PALM2AKAP2: variants seen among roughly 807,000 people sequenced by gnomAD.
PALM2AKAP2 encodes PALM2-AKAP2 fusion protein.
In PALM2AKAP2, 37 loss-of-function variants were observed where a neutral mutation model predicts 71.5. That is an observed-to-expected ratio of 0.52 (90% CI 0.40 to 0.68). PALM2AKAP2 has a LOEUF of 0.68. Among genes scored for constraint, PALM2AKAP2 ranks in the 30% least tolerant of loss-of-function variants. The pLI is 0.00. For missense variants in PALM2AKAP2, 1,224 were observed against 1,191.8 expected, an observed-to-expected ratio of 1.03 and a Z score of -0.40; for synonymous variants, 468 against 478.8, an observed-to-expected ratio of 0.98 and a Z score of 0.29.
At chr9:110,162,035 G>GGT (rs1188886555) in intron 3 of PALM2AKAP2, 59 bp from the exon 10 acceptor site, 3 of 1,593,722 alleles carry the variant, frequency 1.9e-6, no homozygotes, top group Non-Finnish European at 2.6e-6. Flanking sequence ...CCGGCTAGGG[G>GGT]GTGTTCTGTA....
chr9:109,835,486 A>G (rs910073129), intron 1 of PALM2AKAP2, among the ~76,000 whole-genome samples: 1 of 152,096 alleles, frequency 6.6e-6, no homozygotes, highest in South Asian at 2.1e-4. Flanking sequence ...TGCATTTCCA[A>G]CTGAGGTACT....
At chr9:109,880,462 G>C (rs1353999615) in intron 2 of PALM2AKAP2, 89 bp from the exon 3 acceptor site, 1 of 1,542,316 alleles carries the variant, frequency 6.5e-7, no homozygotes, top group East Asian at 2.3e-5. Flanking sequence ...CTGGTGAGGG[G>C]TGGAGCTAAA....
chr9:110,085,085 T>C (rs1834538272), intron 1 of PALM2AKAP2, among the ~76,000 whole-genome samples: 1 of 152,272 alleles, frequency 6.6e-6, no homozygotes, highest in South Asian at 2.1e-4. Context: ...TCGTGGTTGG[T>C]TGAGTCTACA....
chr9:109,901,880 C>T (rs956973524), intron 3 of PALM2AKAP2, among the ~76,000 whole-genome samples: 6 of 152,194 alleles, frequency 3.9e-5, no homozygotes, highest in African/African-American at 1.4e-4. Flanking sequence ...CCAAGATCAT[C>T]GTGGCTGGGC....
At chr9:110,090,206 CG>C (rs1834674645) in intron 1 of PALM2AKAP2, 1 of 366,974 alleles carries the variant, frequency 2.7e-6, no homozygotes, top group African/African-American at 2.1e-5. Context: ...CAGGTGTGTG[CG>C]GGCAGGTACA....
intron 1 of PALM2AKAP2, among the ~76,000 whole-genome samples, chr9:109,823,763 G>T (rs1021448218): frequency 6.6e-6 from 1 of 152,234 alleles, no homozygotes; most frequent in Non-Finnish European, 1.5e-5. Context: ...ATCTGTGTTT[G>T]TCTGGGGGTG....
chr9:109,713,111 A>C (rs933674741), intron 1 of PALM2AKAP2, among the ~76,000 whole-genome samples: 5 of 152,176 alleles, frequency 3.3e-5, no homozygotes, highest in Admixed American at 6.5e-5. Context: ...GATCCCCATC[A>C]CCTGGGCCAT....
upstream of PALM2AKAP2, among the ~76,000 whole-genome samples, chr9:110,047,035 C>T (rs1278347401): frequency 1.3e-5 from 2 of 151,786 alleles, no homozygotes; most frequent in Non-Finnish European, 2.9e-5. Flanking sequence ...GGCATCCAAG[C>T]ATTTAATTCC....
intron 7 of PALM2AKAP2, among the ~76,000 whole-genome samples, chr9:110,036,398 C>T (rs1323792552): frequency 6.6e-6 from 1 of 152,164 alleles, no homozygotes; most frequent in Non-Finnish European, 1.5e-5. Flanking sequence ...TGCTTTGTGC[C>T]ATGTGTCATG....
intron 1 of PALM2AKAP2, among the ~76,000 whole-genome samples, chr9:110,130,223 T>C (rs995307399): frequency 3.3e-5 from 5 of 152,248 alleles, no homozygotes; most frequent in Admixed American, 2.6e-4. Context: ...ATTTTCTAAC[T>C]TAATTCTCAA....
upstream of PALM2AKAP2, among the ~76,000 whole-genome samples, chr9:110,046,849 A>C (rs1410841558): frequency 6.6e-6 from 1 of 152,188 alleles, no homozygotes; most frequent in East Asian, 1.9e-4. Context: ...ATGAGAAGGG[A>C]GTGATGAAGT....
At chr9:109,640,970 T>A (rs1444706839) in intron 1 of PALM2AKAP2, 3 of 1,398,462 alleles carry the variant, frequency 2.1e-6, no homozygotes, top group East Asian at 5.9e-5. Context: ...CCAGGATGGG[T>A]GTTTAATTTC....
At chr9:110,039,700 GC>G (rs1439848793) in intron 7 of PALM2AKAP2, among the ~76,000 whole-genome samples, 1 of 151,942 alleles carries the variant, frequency 6.6e-6, no homozygotes, top group African/African-American at 2.4e-5. Context: ...CATAGTAGCA[GC>G]AGCAGCAGCA....
chr9:109,739,709 A>C (rs1828689526), intron 1 of PALM2AKAP2, among the ~76,000 whole-genome samples: 1 of 152,206 alleles, frequency 6.6e-6, no homozygotes, highest in Non-Finnish European at 1.5e-5. Flanking sequence ...TTTCTATGAG[A>C]CACTTTCAAT....
chr9:110,000,798 G>C (rs1275253304), intron 6 of PALM2AKAP2, among the ~76,000 whole-genome samples: 1 of 152,174 alleles, frequency 6.6e-6, no homozygotes, highest in Non-Finnish European at 1.5e-5. Flanking sequence ...TCTTTTGGCT[G>C]CATAAATGTC....
At chr9:110,015,118 A>G (rs1411351364) in intron 6 of PALM2AKAP2, among the ~76,000 whole-genome samples, 1 of 152,042 alleles carries the variant, frequency 6.6e-6, no homozygotes, top group Non-Finnish European at 1.5e-5. Context: ...ACTTGGAGAG[A>G]GAACATGGGC....
chr9:110,016,943 G>A (rs561129073), intron 7 of PALM2AKAP2, among the ~76,000 whole-genome samples: 95 of 152,076 alleles, frequency 6.2e-4, no homozygotes, highest in Admixed American at 8.5e-4. Flanking sequence ...GCAGTGGTGC[G>A]ATCTCGGCTC....
chr9:110,136,301 C>T, exon 2 of PALM2AKAP2: 2 of 1,614,192 alleles, frequency 1.2e-6, no homozygotes, highest in Non-Finnish European at 1.7e-6. Flanking sequence ...TACCCCACAT[C>T]CCATGGACCA....
At chr9:110,002,541 C>T (rs1644559915) in intron 6 of PALM2AKAP2, among the ~76,000 whole-genome samples, 1 of 152,084 alleles carries the variant, frequency 6.6e-6, no homozygotes, top group African/African-American at 2.4e-5. Flanking sequence ...TGATGCTGGC[C>T]TCATAAAATG....
Sources: allele counts gnomAD v4.1 joint callset (sites outside exome capture counted in the v4.1 genomes callset), GRCh38; gene constraint gnomAD v4.1.1; transcripts MANE v1.5; gene names NCBI Gene and HGNC (gene_info 2026-07-23, HGNC 2026-07-21).